The following CCDC192 variants were observed in gnomAD, a reference collection of about 807,000 sequenced individuals.
The protein encoded by CCDC192 is coiled-coil domain-containing protein 192.
At chr5:127,896,293 A>C (rs942855180) in intron 6 of CCDC192, among the ~76,000 whole-genome samples, 1 of 152,090 alleles carries the variant, frequency 6.6e-6, no homozygotes, top group Admixed American at 6.6e-5. Context: ...TAATAATAAT[A>C]ATTTTAAACA....
At chr5:127,762,681 T>C (rs529466739) in intron 3 of CCDC192, among the ~76,000 whole-genome samples, 133 of 152,290 alleles carry the variant, frequency 8.7e-4, no homozygotes, top group Non-Finnish European at 1.6e-3. Flanking sequence ...AGCTGACCGG[T>C]GCTAATAAAT....
chr5:127,867,334 T>A (rs1751654523), intron 5 of CCDC192, among the ~76,000 whole-genome samples: 1 of 152,222 alleles, frequency 6.6e-6, no homozygotes, highest in African/African-American at 2.4e-5. Flanking sequence ...TCTGACCGAT[T>A]ATAAAGTTAT....
At chr5:127,914,984 T>C (rs905364758) in intron 6 of CCDC192, among the ~76,000 whole-genome samples, 3 of 152,198 alleles carry the variant, frequency 2.0e-5, no homozygotes, top group African/African-American at 4.8e-5. Context: ...GACTTATGTG[T>C]CATTCAAATT....
chr5:127,740,145 C>T (rs946673454), intron 2 of CCDC192: 6 of 152,230 alleles, frequency 3.9e-5, no homozygotes, highest in Non-Finnish European at 7.3e-5. Flanking sequence ...GCCAAATGGC[C>T]AGTGCAGAGG....
At chr5:127,882,939 A>AAC (rs1752414642) in intron 6 of CCDC192, among the ~76,000 whole-genome samples, 1 of 152,238 alleles carries the variant, frequency 6.6e-6, no homozygotes, top group Admixed American at 6.5e-5. Context: ...TTCTACAGGT[A>AAC]ACCTTCTTTC....
At chr5:127,877,044 GA>G (rs1387050672) in intron 6 of CCDC192, among the ~76,000 whole-genome samples, 1 of 152,188 alleles carries the variant, frequency 6.6e-6, no homozygotes, top group Admixed American at 6.5e-5. Flanking sequence ...GGTTTCATTA[GA>G]AGAAACTGAC....
At chr5:127,878,405 T>G (rs1752193034) in intron 6 of CCDC192, among the ~76,000 whole-genome samples, 2 of 152,214 alleles carry the variant, frequency 1.3e-5, no homozygotes, top group East Asian at 3.8e-4. Context: ...ATGCTCCAGC[T>G]GGCAGCTCCT....
Position 127,941,372 on chromosome 5 carries a change from T to TC in CCDC192, c.730dup (p.Gln244ProfsTer20). The stretch of plus-strand genomic sequence containing the variant: ...TGGAAGCTGAGCGGAGTCCCCATCC[T>TC]CCCCAAGAGGTCAAGGACCCTCCAG... On this transcript the variant is annotated frameshift_variant, in exon 7 of 7. Coordinates refer to ENST00000514853, the MANE Select transcript of CCDC192 (RefSeq NM_001317938.2). LOFTEE classifies it low-confidence loss of function (END_TRUNC). The TC allele has an allele frequency of 2.5e-6, 1 of 399,018 alleles. No individual in the cohort carries two copies. The highest frequency in any genetic ancestry group is 2.1e-5 in the African/African-American group (1 of 48,738). 24.7% of individuals were successfully genotyped at this position (399,018 alleles called of 1,614,324 possible). A position where few individuals can be genotyped will look rare whatever the true frequency, so the allele number is the denominator to read the frequency against.
chr5:127,734,929 T>A (rs1444584944), intron 2 of CCDC192, among the ~76,000 whole-genome samples: 13 of 150,450 alleles, frequency 8.6e-5, no homozygotes, highest in Admixed American at 2.6e-4. Flanking sequence ...CTCTTTAGTT[T>A]AATTAGATCC....
In CCDC192 at chr5:127,724,655, C is replaced by G. The variant is rs560613674; in HGVS notation, c.114+16895C>G. Among the ~76,000 whole-genome samples, 4 of 152,134 alleles carry G rather than the reference C, an allele frequency of 2.6e-5. No individual in the cohort carries two copies. In the South Asian group the frequency reaches 8.3e-4, roughly 32 times the overall value. The stretch of plus-strand genomic sequence containing the variant: ...CATGAGGTCAACAGATCAAGATCAT[C>G]CTGGCCAACATGGGGAAACCCCGTC... On this transcript the variant is annotated intron_variant, in intron 2 of 6. Coordinates refer to ENST00000514853, the MANE Select transcript of CCDC192 (RefSeq NM_001317938.2).
At chr5:127,778,877 C>T (rs371926326) in intron 3 of CCDC192, among the ~76,000 whole-genome samples, 1 of 151,672 alleles carries the variant, frequency 6.6e-6, no homozygotes, top group African/African-American at 2.4e-5. Context: ...TTATTCAGTT[C>T]ATCTAAATTA....
chr5:127,779,173 T>C (rs1480882057), intron 3 of CCDC192, among the ~76,000 whole-genome samples: 1 of 152,204 alleles, frequency 6.6e-6, no homozygotes, highest in Non-Finnish European at 1.5e-5. Flanking sequence ...TGACATCTTT[T>C]TCATTTTGTA....
chr5:127,710,605 TA>T (rs1751268289), intron 2 of CCDC192, among the ~76,000 whole-genome samples: 1 of 152,140 alleles, frequency 6.6e-6, no homozygotes, highest in Non-Finnish European at 1.5e-5. Context: ...TCTCGATCGA[TA>T]TCATTTGAAA....
intron 6 of CCDC192, among the ~76,000 whole-genome samples, chr5:127,918,755 C>T (rs17164514): frequency 0.01 from 1,575 of 152,106 alleles, 32 homozygotes; most frequent in African/African-American, 0.036. Context: ...TTTAGCTGGT[C>T]CCTCCTGACT....
At chr5:127,845,540 C>G (rs17164611) in intron 5 of CCDC192, among the ~76,000 whole-genome samples, 10,020 of 152,062 alleles carry the variant, frequency 0.066, 776 homozygotes, top group East Asian at 0.28. Flanking sequence ...ACAAATAAGA[C>G]AAGTGAGGCT....
At position 127,729,031 on chromosome 5, in the gene CCDC192, C is replaced by T. The variant is rs144802871; in HGVS notation, c.114+21271C>T. On this transcript the variant is annotated intron_variant, in intron 2 of 6. Coordinates refer to ENST00000514853, the MANE Select transcript of CCDC192 (RefSeq NM_001317938.2). ...AAGCAATTCTCCTGACTTAGCCTCC[C>T]GAGTAGCTGGGACTACAGGTGCATG... is the stretch of plus-strand genomic sequence containing the variant. 4.2e-4 allele frequency among the ~76,000 whole-genome samples: 64 copies of T among 152,154 alleles called. No homozygotes were observed. The East Asian group carries it at 7.7e-3, about 18-fold the overall frequency.
chr5:127,874,855 G>A (rs538605463), intron 5 of CCDC192, among the ~76,000 whole-genome samples: 3 of 152,110 alleles, frequency 2.0e-5, no homozygotes, highest in Non-Finnish European at 4.4e-5. Flanking sequence ...AGGAACTTTC[G>A]AGTCATGAAG....
chr5:127,707,639 C>T (rs173582), intron 1 of CCDC192, 70 bp from the exon 2 acceptor site: 244,595 of 395,894 alleles, frequency 0.62, 77,062 homozygotes, highest in Non-Finnish European at 0.65. Flanking sequence ...ATTGTATGTG[C>T]GGGGGTGTGT....
chr5:127,703,242 T>C, upstream of CCDC192: 1 of 381,748 alleles, frequency 2.6e-6, no homozygotes. Context: ...TGCCTGGATC[T>C]GATTTGTGAG....
Sources: gnomAD v4.1 joint callset for allele counts (sites outside exome capture counted in the v4.1 genomes callset) on GRCh38, gnomAD v4.1.1 for gene constraint, MANE v1.5 for transcripts, NCBI Gene and HGNC (gene_info 2026-07-23, HGNC 2026-07-21) for gene names.